Variants in PKHD1 observed in about 807,000 individuals in gnomAD.
The protein encoded by PKHD1 is fibrocystin.
Under a neutral mutation model 412.0 loss-of-function variants are expected in PKHD1, and 291 were observed. The ratio of observed to expected loss-of-function variants is 0.71; its 90% CI spans 0.64 to 0.78. The LOEUF (loss-of-function observed/expected upper bound fraction) is 0.78. PKHD1 is among the 30% of genes least tolerant of loss of function. The pLI, the probability that PKHD1 is intolerant of heterozygous loss-of-function variation, is 0.00. For missense variants in PKHD1, 4,825 were observed against 4,950.7 expected, an observed-to-expected ratio of 0.97 and a Z score of 0.76; for synonymous variants, 1,777 against 1,821.5, an observed-to-expected ratio of 0.98 and a Z score of 0.62.
intron 53 of PKHD1, among the ~76,000 whole-genome samples, chr6:51,783,451 CT>C (rs1270016253): frequency 8.3e-5 from 5 of 60,200 alleles, no homozygotes. Flanking sequence ...TTGGTAACCC[CT>C]ATCTGAAGTC....
intron 27 of PKHD1, among the ~76,000 whole-genome samples, chr6:52,037,042 A>G (rs1804072005): frequency 6.6e-6 from 1 of 152,190 alleles, no homozygotes; most frequent in South Asian, 2.1e-4. Context: ...TAACTATGGT[A>G]TCAACTATGT....
chr6:51,671,536 C>T (rs1371385108), intron 60 of PKHD1, among the ~76,000 whole-genome samples: 1 of 152,204 alleles, frequency 6.6e-6, no homozygotes, highest in African/African-American at 2.4e-5. Context: ...CTGAAGCCTT[C>T]TTCTCTCAGC....
rs553518795 is a variant in PKHD1 at position 51,842,304 on chromosome 6, A to T, written c.8107+5471T>A. ...GGAGGGCAACTGTGAATGGCACAGCATCTGATATGAATTTATCACCGGCTG... is the reference window on the plus strand; with the variant it reads ...GGAGGGCAACTGTGAATGGCACAGCTTCTGATATGAATTTATCACCGGCTG... On this transcript the variant is annotated intron_variant, in intron 50 of 66. Transcript: ENST00000371117. Among the ~76,000 whole-genome samples, 39 of 152,304 alleles carry T rather than the reference A, an allele frequency of 2.6e-4. 1 individual carries two copies. The South Asian group carries it at 7.7e-3, about 30-fold the overall frequency.
intron 11 of PKHD1, 91 bp downstream of exon 11, chr6:52,069,366 G>T: frequency 2.2e-6 from 2 of 898,692 alleles, no homozygotes; most frequent in East Asian, 4.8e-5. Flanking sequence ...GGGTGTTAAT[G>T]GTCATCAAGA....
At chr6:51,914,049 T>C (rs1377148062) in intron 37 of PKHD1, among the ~76,000 whole-genome samples, 1 of 152,068 alleles carries the variant, frequency 6.6e-6, no homozygotes, top group Non-Finnish European at 1.5e-5. Flanking sequence ...CATAGAAAAA[T>C]CTCTACTAAG....
At chr6:51,882,248 T>C (rs2127538430) in intron 46 of PKHD1, among the ~76,000 whole-genome samples, 1 of 152,152 alleles carries the variant, frequency 6.6e-6, no homozygotes, top group Non-Finnish European at 1.5e-5. Flanking sequence ...GTAATCCTTT[T>C]AGAGGGAAAA....
intron 52 of PKHD1, among the ~76,000 whole-genome samples, chr6:51,810,934 C>T (rs1487771410): frequency 1.3e-5 from 2 of 152,184 alleles, no homozygotes; most frequent in African/African-American, 4.8e-5. Context: ...TATTCTAGAA[C>T]TATCCTTGCA....
intron 37 of PKHD1, among the ~76,000 whole-genome samples, chr6:51,922,649 C>T (rs1003647668): frequency 1.8e-4 from 27 of 152,206 alleles, no homozygotes; most frequent in African/African-American, 2.7e-4. Context: ...TCAGCAATGG[C>T]GGATGCCCCT....
At chr6:51,836,494 C>A in intron 50 of PKHD1, 25 bp from the exon 51 acceptor site, 1 of 1,518,296 alleles carries the variant, frequency 6.6e-7, no homozygotes, top group South Asian at 1.1e-5. Flanking sequence ...CCACAACTTG[C>A]ATGTGATACA....
At chr6:51,657,456 C>T (rs1287710208) in intron 61 of PKHD1, among the ~76,000 whole-genome samples, 1 of 152,102 alleles carries the variant, frequency 6.6e-6, no homozygotes, top group Non-Finnish European at 1.5e-5. Flanking sequence ...AGAAGATTTA[C>T]TCTTTGCCTT....
intron 60 of PKHD1, among the ~76,000 whole-genome samples, chr6:51,730,411 C>T (rs1286886810): frequency 6.6e-6 from 1 of 151,872 alleles, no homozygotes; most frequent in Non-Finnish European, 1.5e-5. Context: ...GTTTTTTCTC[C>T]CTACATGATG....
chr6:51,889,567 T>C (rs562257319), intron 43 of PKHD1, among the ~76,000 whole-genome samples: 1 of 152,342 alleles, frequency 6.6e-6, no homozygotes, highest in Non-Finnish European at 1.5e-5. Context: ...TGCTGTATTT[T>C]ATCTGGCAGG....
At position 51,659,775 on chromosome 6, in the gene PKHD1, A is replaced by T; in HGVS notation, c.10351T>A (p.Ser3451Thr). Residue 3451 changes from serine (S) to threonine (T), a missense_variant, in exon 61 of 67, where the codon TCT becomes ACT. By Grantham distance (58) the Ser-to-Thr change is moderately conservative. Coordinates refer to ENST00000371117, the MANE Select transcript of PKHD1 (RefSeq NM_138694.4). ...FSSVNANIPCSTSGSVSTFYS... is the reference protein window; with the variant it reads ...FSSVNANIPCTTSGSVSTFYS... ...AAAGTAGACACTGACCCAGAAGTAG[A>T]GCAGGGAATATTGGCATTTACACTG... is the stretch of plus-strand genomic sequence containing the variant. 1 of 1,613,732 alleles carries T rather than the reference A, an allele frequency of 6.2e-7. No homozygotes were observed. The highest frequency in any genetic ancestry group is 1.1e-5 in the South Asian group (1 of 91,076).
At position 52,028,302 on chromosome 6, in the gene PKHD1, A is replaced by C. The variant is rs760089860; in HGVS notation, c.3414T>G (p.Asp1138Glu). The change falls in exon 30 of 67, where the codon GAT (aspartate) becomes GAG (glutamate). Residue 1138 changes from aspartate to glutamate, a missense_variant. Physicochemically the swap from Asp to Glu is conservative, Grantham distance 45. Coordinates refer to ENST00000371117, the MANE Select transcript of PKHD1 (RefSeq NM_138694.4). ...CCTGGACGTGGACTTCCACATCCAA[A>C]TCCGTATAGTTCATCAGCCTCGCCA... is the stretch of plus-strand genomic sequence containing the variant. The part of the protein sequence containing the change: ...IGVARLMNYT[D>E]LDVEVHVQDA... The C allele has an allele frequency of 3.7e-6, 6 of 1,613,924 alleles. No individual in the cohort carries two copies. Among genetic ancestry groups the C allele is most frequent in the Non-Finnish European group, 5.1e-6 (6 of 1,180,006 alleles).
At chr6:51,676,532 A>G (rs1323556710) in intron 60 of PKHD1, among the ~76,000 whole-genome samples, 1 of 152,168 alleles carries the variant, frequency 6.6e-6, no homozygotes, top group Non-Finnish European at 1.5e-5. Context: ...AAAACAAAAT[A>G]TATACTCATT....
intron 31 of PKHD1, 52 bp from the exon 32 acceptor site, chr6:52,026,233 GA>G (rs1202662460): frequency 6.5e-7 from 1 of 1,534,550 alleles, no homozygotes; most frequent in Non-Finnish European, 9.0e-7. Flanking sequence ...TCTGAACTAA[GA>G]ATTCATAGCA....
chr6:51,863,976 G>A (rs1400994720), intron 48 of PKHD1, among the ~76,000 whole-genome samples: 2 of 152,086 alleles, frequency 1.3e-5, no homozygotes, highest in Admixed American at 6.6e-5. Flanking sequence ...AGGACAGACG[G>A]ACAATTTAGA....
chr6:51,966,885 T>TGATTGGATTG (rs10599413), intron 35 of PKHD1, among the ~76,000 whole-genome samples: 8,530 of 149,970 alleles, frequency 0.057, 267 homozygotes, highest in Non-Finnish European at 0.071. Context: ...GAGACTGCTC[T>TGATTGGATTG]GATTGGATTG....
chr6:52,048,496 A>C lies in PKHD1; in HGVS notation c.2403T>G (p.Ile801Met). Reference protein sequence around the residue: ...HFRIQLPNTVISDVPVQISAH... With the variant: ...HFRIQLPNTVMSDVPVQISAH... ...CAACCCCAATCACCCCTTTACCAGA[A>C]ATCACTGTATTAGGAAGCTGGATGC... The change falls in exon 23 of 67, where the codon ATT (isoleucine) becomes ATG (methionine). Residue 801 changes from isoleucine to methionine, a missense_variant. Coordinates refer to ENST00000371117, the MANE Select transcript of PKHD1 (RefSeq NM_138694.4). The C allele has an allele frequency of 6.2e-7, 1 of 1,614,098 alleles. No individual in the cohort carries two copies. The highest frequency in any genetic ancestry group is 8.5e-7 in the Non-Finnish European group (1 of 1,179,958).
Sources: gnomAD v4.1 joint callset for allele counts (sites outside exome capture counted in the v4.1 genomes callset) on GRCh38, gnomAD v4.1.1 for gene constraint, MANE v1.5 for transcripts, NCBI Gene and HGNC (gene_info 2026-07-23, HGNC 2026-07-21) for gene names.